The following EHBP1 variants were observed in gnomAD, a reference collection of about 807,000 sequenced individuals.
EHBP1 encodes EH domain-binding protein 1.
A neutral mutation model predicts 144.0 loss-of-function variants in EHBP1; 55 were observed. The ratio of observed to expected loss-of-function variants is 0.38; its 90% CI spans 0.31 to 0.48. The LOEUF (loss-of-function observed/expected upper bound fraction) is 0.48, where lower values mean the gene tolerates loss of function less well. EHBP1 is among the 20% of genes least tolerant of loss of function. EHBP1 has a pLI of 0.98. For synonymous variants in EHBP1, 469 were observed against 472.7 expected, an observed-to-expected ratio of 0.99 and a Z score of 0.10; for missense variants, 1,200 against 1,364.2, an observed-to-expected ratio of 0.88 and a Z score of 1.90.
intron 1 of EHBP1, among the ~76,000 whole-genome samples, chr2:62,680,292 A>G (rs56738177): frequency 0.029 from 4,396 of 152,196 alleles, 222 homozygotes; most frequent in African/African-American, 0.1. Flanking sequence ...CATCCCTCAC[A>G]CTGTTCTACC....
chr2:62,889,604 T>A lies in EHBP1; in HGVS notation c.1185+15072T>A, dbSNP rs907409758. Among the ~76,000 whole-genome samples, 3 of 152,184 alleles carry A rather than the reference T, an allele frequency of 2.0e-5. No individual in the cohort carries two copies. In the South Asian group the frequency reaches 6.2e-4, roughly 32 times the overall value. ...TATAAAGAAGGGACCTAGTTTCCAT[T>A]TTCTGCATATGGCTAGCCAGTTATC... On this transcript the variant is annotated intron_variant, in intron 10 of 22. Coordinates refer to ENST00000431489, the MANE Select transcript of EHBP1 (RefSeq NM_001142616.3).
At chr2:62,766,412 T>C (rs2041193696) in intron 4 of EHBP1, among the ~76,000 whole-genome samples, 1 of 152,142 alleles carries the variant, frequency 6.6e-6, no homozygotes, top group South Asian at 2.1e-4. Context: ...AAATAAGATG[T>C]TTCTCTTTGA....
intron 3 of EHBP1, among the ~76,000 whole-genome samples, chr2:62,761,264 G>GT (rs2040745775): frequency 1.3e-5 from 2 of 152,104 alleles, no homozygotes; most frequent in Admixed American, 6.6e-5. Flanking sequence ...CTGGAGAGAT[G>GT]TTTTTTAATC....
chr2:62,732,800 A>C (rs1415790093), intron 2 of EHBP1, among the ~76,000 whole-genome samples: 2 of 152,152 alleles, frequency 1.3e-5, no homozygotes, highest in Non-Finnish European at 2.9e-5. Flanking sequence ...ATTGTCTCAC[A>C]GTTTTTGGAT....
At chr2:62,771,755 CA>C (rs2041681321) in intron 5 of EHBP1, 2 of 152,836 alleles carry the variant, frequency 1.3e-5, no homozygotes, top group African/African-American at 4.8e-5. Context: ...TATCACATAG[CA>C]GATACTCATC....
chr2:62,754,768 G>A (rs568404571), intron 3 of EHBP1, among the ~76,000 whole-genome samples: 56 of 152,348 alleles, frequency 3.7e-4, no homozygotes, highest in African/African-American at 1.2e-3. Flanking sequence ...GGGCTCTGTG[G>A]GCGTGGGACC....
intron 13 of EHBP1, among the ~76,000 whole-genome samples, chr2:62,954,979 T>G (rs1335392121): frequency 6.6e-6 from 1 of 152,116 alleles, no homozygotes; most frequent in Non-Finnish European, 1.5e-5. Flanking sequence ...TTTCAATTGT[T>G]TTGTTATAAG....
At position 62,830,108 on chromosome 2, in the gene EHBP1, A is replaced by G. The variant is rs1467497728; in HGVS notation, c.495-911A>G. Among the ~76,000 whole-genome samples the G allele has an allele frequency of 2.7e-5, 4 of 149,694 alleles. No homozygotes were observed. The East Asian group carries it at 6.0e-4, about 22-fold the overall frequency. ...AACCAGCCTAAAAGCTCATTGACCA[A>G]TGAGTGGATTAAAAATATGTGGTGC... is the stretch of plus-strand genomic sequence containing the variant. On this transcript the variant is annotated intron_variant, in intron 6 of 22. Coordinates refer to ENST00000431489, the MANE Select transcript of EHBP1 (RefSeq NM_001142616.3).
At chr2:62,752,781 C>G (rs1029260637) in intron 3 of EHBP1, among the ~76,000 whole-genome samples, 2 of 144,024 alleles carry the variant, frequency 1.4e-5, no homozygotes, top group African/African-American at 4.9e-5. Flanking sequence ...TGTTTTATCA[C>G]ACTTTGTTTA....
intron 13 of EHBP1, among the ~76,000 whole-genome samples, chr2:62,951,520 C>CTTT (rs869188893): frequency 1.2e-5 from 1 of 83,306 alleles, no homozygotes; most frequent in African/African-American, 4.5e-5. Flanking sequence ...ACAAATTTTT[C>CTTT]TTTTTTTTTT....
chr2:62,774,771 G>T (rs2041937609), intron 5 of EHBP1, among the ~76,000 whole-genome samples: 1 of 152,128 alleles, frequency 6.6e-6, no homozygotes, highest in African/African-American at 2.4e-5. Context: ...CTTGAGCCCA[G>T]AAGGTCAAGG....
chr2:62,788,541 G>T (rs1484065645), intron 5 of EHBP1, among the ~76,000 whole-genome samples: 1 of 151,554 alleles, frequency 6.6e-6, no homozygotes, highest in Non-Finnish European at 1.5e-5. Flanking sequence ...CCTGTTTCTG[G>T]AATCTAGAAG....
At chr2:62,945,984 G>A (rs2057043633) in intron 12 of EHBP1, among the ~76,000 whole-genome samples, 1 of 120,202 alleles carries the variant, frequency 8.3e-6, no homozygotes, top group Admixed American at 8.2e-5. Flanking sequence ...GTCTATTAAA[G>A]TGAAATGCTT....
In EHBP1 at chr2:62,831,102, A is replaced by G. The variant is rs2046793743; in HGVS notation, c.578A>G (p.Asn193Ser). ...IGNLDDFEED[N>S]EDDDENRVNQ... ...AATTTAGATGACTTCGAAGAAGATAATGAAGATGATGATGAGAACAGAGTG... is the reference window on the plus strand; with the variant it reads ...AATTTAGATGACTTCGAAGAAGATAGTGAAGATGATGATGAGAACAGAGTG... Residue 193 changes from asparagine (N) to serine (S), a missense_variant, in exon 7 of 23, where the codon AAT (asparagine) becomes AGT (serine). Asn to Ser is a conservative substitution (Grantham distance 46). Around this residue, in one of 6 missense-constraint regions of EHBP1, gnomAD observed 266 missense variants for 262.4 expected, o/e 1.01. Coordinates refer to ENST00000431489, the MANE Select transcript of EHBP1 (RefSeq NM_001142616.3). 6.2e-7 allele frequency: 1 copy of G among 1,609,616 alleles called. No homozygotes were observed. The highest frequency in any genetic ancestry group is 8.5e-7 in the Non-Finnish European group (1 of 1,178,798).
intron 14 of EHBP1, among the ~76,000 whole-genome samples, chr2:62,965,618 ATGAAACTAAATAGTTT>A (rs2058212630): frequency 6.6e-6 from 1 of 152,162 alleles, no homozygotes; most frequent in African/African-American, 2.4e-5. Context: ...GAAGCCCTTA[ATGAAACTAAATAGTTT>A]GCTTGGAGTT....
chr2:62,787,824 A>G (rs1375440952), intron 5 of EHBP1, among the ~76,000 whole-genome samples: 2 of 152,202 alleles, frequency 1.3e-5, no homozygotes, highest in African/African-American at 4.8e-5. Flanking sequence ...ATAGATTGCA[A>G]TTTATCATCA....
At chr2:62,769,337 A>G (rs956600974) in intron 4 of EHBP1, among the ~76,000 whole-genome samples, 1 of 152,234 alleles carries the variant, frequency 6.6e-6, no homozygotes, top group Non-Finnish European at 1.5e-5. Flanking sequence ...AATGTGTAAA[A>G]ATCACTAACA....
At chr2:62,752,265 T>C (rs2039813079) in intron 3 of EHBP1, among the ~76,000 whole-genome samples, 2 of 152,224 alleles carry the variant, frequency 1.3e-5, no homozygotes, top group South Asian at 4.1e-4. Context: ...AGGAGCAGGT[T>C]GTTCAGTTTC....
At position 62,826,118 on chromosome 2, in the gene EHBP1, C is replaced by T; in HGVS notation, c.344C>T (p.Ala115Val). 6 of 1,531,478 alleles carry T rather than the reference C, an allele frequency of 3.9e-6. No homozygotes were observed. The highest frequency in any genetic ancestry group is 4.4e-6 in the Non-Finnish European group (5 of 1,139,942). 94.9% of individuals were successfully genotyped at this position (1,531,478 alleles called of 1,614,324 possible). ...CCTTCTGGTCGAAGGAAAGCTCTTG[C>T]TACTAGCAGCATCAATATGAAACAG... ...ESPSGRRKAL[A>V]TSSINMKQYA... The change falls in exon 6 of 23, where the codon GCT (alanine) becomes GTT (valine). Residue 115 changes from alanine (A) to valine (V), a missense_variant. By Grantham distance (64) the Ala-to-Val change is moderately conservative. Coordinates refer to ENST00000431489, the MANE Select transcript of EHBP1 (RefSeq NM_001142616.3).
Sources: gnomAD v4.1 joint callset for allele counts (sites outside exome capture counted in the v4.1 genomes callset) on GRCh38, gnomAD v4.1.1 for gene constraint, gnomAD v4.1.1 regional missense constraint, MANE v1.5 for transcripts, NCBI Gene and HGNC (gene_info 2026-07-23, HGNC 2026-07-21) for gene names.